The following SPPL3 variants were observed in gnomAD, a reference collection of about 807,000 sequenced individuals.
The protein encoded by SPPL3 is signal peptide peptidase like 3, also known as signal peptide peptidase-like 3.
SPPL3 carries 5 observed loss-of-function variants against 42.4 expected under a neutral mutation model. The observed-to-expected ratio is 0.12, with a 90% confidence interval of 0.06 to 0.25. The LOEUF is 0.25. SPPL3 is among the 10% of genes least tolerant of loss of function. The pLI is 1.00. For missense variants in SPPL3, 235 were observed against 489.0 expected, an observed-to-expected ratio of 0.48 and a Z score of 4.90; for synonymous variants, 195 against 181.8, an observed-to-expected ratio of 1.07 and a Z score of -0.58.
intron 5 of SPPL3, among the ~76,000 whole-genome samples, chr12:120,783,044 A>G (rs1869596747): frequency 6.6e-6 from 1 of 152,230 alleles, no homozygotes; most frequent in Non-Finnish European, 1.5e-5. Context: ...ATAAGTATGG[A>G]GGAAATTCTA....
chr12:120,793,013 C>T (rs946163287), intron 2 of SPPL3, among the ~76,000 whole-genome samples: 1 of 152,194 alleles, frequency 6.6e-6, no homozygotes, highest in Non-Finnish European at 1.5e-5. Context: ...GGGAGAAAAT[C>T]TTTGCAAATC....
intron 2 of SPPL3, among the ~76,000 whole-genome samples, chr12:120,793,425 G>C (rs1450059604): frequency 6.6e-6 from 1 of 152,180 alleles, no homozygotes; most frequent in Non-Finnish European, 1.5e-5. Context: ...AGCCCAGGAG[G>C]TCAAGGCTGA....
At chr12:120,794,410 T>C (rs1264858844) in intron 2 of SPPL3, among the ~76,000 whole-genome samples, 1 of 152,132 alleles carries the variant, frequency 6.6e-6, no homozygotes, top group African/African-American at 2.4e-5. Flanking sequence ...TTATTTTTAT[T>C]TTTTTGAGAC....
In SPPL3 at chr12:120,766,385, A is replaced by G; in HGVS notation, c.974-13T>C. 6.4e-7 allele frequency: 1 copy of G among 1,566,892 alleles called. No homozygotes were observed. Among genetic ancestry groups the G allele is most frequent in the Non-Finnish European group, 8.7e-7 (1 of 1,155,850 alleles). ...GCAGTGAGCAGGCCTGTGAGGAGAG[A>G]GAGGCATCTGTGAGACACGAGAGGG... is the stretch of plus-strand genomic sequence containing the variant. On this transcript the variant is annotated splice_polypyrimidine_tract_variant and intron_variant, in intron 9 of 10. Transcript: ENST00000353487.
chr12:120,884,896 A>T (rs1158493473), intron 1 of SPPL3, among the ~76,000 whole-genome samples: 1 of 151,310 alleles, frequency 6.6e-6, no homozygotes, highest in African/African-American at 2.4e-5. Context: ...AGATACTAGA[A>T]ATAACTTCAG....
Position 120,855,818 on chromosome 12 carries a change from TG to T in SPPL3, c.24-44933del, listed in dbSNP as rs963362239. Among the ~76,000 whole-genome samples, 172 of 152,314 alleles carry T rather than the reference TG, an allele frequency of 1.1e-3. 1 individual carries two copies. The highest frequency in any genetic ancestry group is 3.8e-3 in the African/African-American group (159 of 41,550). The stretch of plus-strand genomic sequence containing the variant: ...AAATTATTTCACTCATGCAAATGAA[TG>T]GGGGTGTACTTGAAGCCCCAGAGCC... On this transcript the variant is annotated intron_variant, in intron 1 of 10. Coordinates refer to ENST00000353487, the MANE Select transcript of SPPL3 (RefSeq NM_139015.5).
chr12:120,793,547 G>C (rs1566043627), intron 2 of SPPL3, among the ~76,000 whole-genome samples: 1 of 152,140 alleles, frequency 6.6e-6, no homozygotes, highest in South Asian at 2.1e-4. Context: ...TAATAAAAAA[G>C]TCAGATAACT....
At chr12:120,895,225 G>A (rs1873764452) in intron 1 of SPPL3, among the ~76,000 whole-genome samples, 1 of 152,044 alleles carries the variant, frequency 6.6e-6, no homozygotes, top group African/African-American at 2.4e-5. Flanking sequence ...ATCAGGAGTT[G>A]GAGATCAGCC....
chr12:120,810,768 C>T (rs1870656313), intron 2 of SPPL3, 41 bp downstream of exon 2: 1 of 1,493,060 alleles, frequency 6.7e-7, no homozygotes, highest in Non-Finnish European at 9.3e-7. Flanking sequence ...CTTCCTTCTT[C>T]CACCTCCAAC....
intron 2 of SPPL3, among the ~76,000 whole-genome samples, chr12:120,801,128 G>A (rs997330615): frequency 6.6e-6 from 1 of 152,206 alleles, no homozygotes; most frequent in Non-Finnish European, 1.5e-5. Context: ...TTGATGAGGT[G>A]GAGGCATTTC....
intron 1 of SPPL3, among the ~76,000 whole-genome samples, chr12:120,871,012 C>G (rs778586741): frequency 6.7e-6 from 1 of 150,306 alleles, no homozygotes; most frequent in Non-Finnish European, 1.5e-5. Flanking sequence ...CACCTATAGT[C>G]CCAGTTATTC....
chr12:120,832,542 G>A (rs1035384720), intron 1 of SPPL3, among the ~76,000 whole-genome samples: 2 of 151,902 alleles, frequency 1.3e-5, no homozygotes, highest in African/African-American at 4.8e-5. Flanking sequence ...GTGTAGTGGC[G>A]CATGCCTGTA....
At chr12:120,876,624 A>AAAAAAAAAGG (rs769591873) in intron 1 of SPPL3, among the ~76,000 whole-genome samples, 1 of 143,778 alleles carries the variant, frequency 7.0e-6, no homozygotes, top group African/African-American at 2.8e-5. Flanking sequence ...CTCAAAAAAA[A>AAAAAAAAAGG]AAAAAAAAAA....
intron 1 of SPPL3, chr12:120,835,509 T>G (rs1046117009): frequency 1.1e-4 from 16 of 152,242 alleles, no homozygotes; most frequent in African/African-American, 3.9e-4. Flanking sequence ...GCTGTCACTC[T>G]TACAACAAAA....
intron 1 of SPPL3, among the ~76,000 whole-genome samples, chr12:120,832,426 C>T (rs772162204): frequency 6.6e-6 from 1 of 152,186 alleles, no homozygotes; most frequent in Non-Finnish European, 1.5e-5. Flanking sequence ...AATCCCAGCA[C>T]TTTGGGAGGC....
At chr12:120,852,324 AT>A (rs1208500952) in intron 1 of SPPL3, among the ~76,000 whole-genome samples, 1 of 146,576 alleles carries the variant, frequency 6.8e-6, no homozygotes, top group Non-Finnish European at 1.5e-5. Flanking sequence ...TTATATAATC[AT>A]ATATATTAAT....
At chr12:120,880,659 T>C (rs1873250623) in intron 1 of SPPL3, among the ~76,000 whole-genome samples, 1 of 151,804 alleles carries the variant, frequency 6.6e-6, no homozygotes, top group African/African-American at 2.4e-5. Context: ...TGGTGGCACG[T>C]GCCTCCAGTC....
At chr12:120,775,211 T>C (rs1453264941) in intron 6 of SPPL3, among the ~76,000 whole-genome samples, 3 of 152,154 alleles carry the variant, frequency 2.0e-5, no homozygotes, top group Non-Finnish European at 4.4e-5. Context: ...AGTGCAGTGG[T>C]GCAATCTCAG....
intron 2 of SPPL3, among the ~76,000 whole-genome samples, chr12:120,797,666 G>A (rs1870149046): frequency 6.6e-6 from 1 of 152,136 alleles, no homozygotes; most frequent in Admixed American, 6.5e-5. Flanking sequence ...TCTTGTTCAT[G>A]TCCCTGGGGG....
Sources: allele counts gnomAD v4.1 joint callset (sites outside exome capture counted in the v4.1 genomes callset), GRCh38; gene constraint gnomAD v4.1.1; transcripts MANE v1.5; gene names NCBI Gene and HGNC (gene_info 2026-07-23, HGNC 2026-07-21).